DMRT1: variants seen among roughly 807,000 people sequenced by gnomAD.
DMRT1 encodes doublesex and mab-3 related transcription factor 1, also known as doublesex- and mab-3-related transcription factor 1.
In DMRT1, 7 loss-of-function variants were observed where a neutral mutation model predicts 32.3. That is an observed-to-expected ratio of 0.22 (90% confidence interval 0.12 to 0.41). The LOEUF (loss-of-function observed/expected upper bound fraction) is 0.41. Ranked by LOEUF, DMRT1 falls within the 10% of genes least tolerant of loss-of-function variation. DMRT1 has a pLI of 1.00. For synonymous variants in DMRT1, 278 were observed against 206.1 expected (o/e 1.35, Z -2.99); for missense variants, 625 against 500.5 (o/e 1.25, Z -2.37).
intron 2 of DMRT1, among the ~76,000 whole-genome samples, chr9:872,656 C>G (rs1472579514): frequency 6.6e-6 from 1 of 152,182 alleles, no homozygotes; most frequent in Admixed American, 6.5e-5. Flanking sequence ...TTCAGGACAT[C>G]AGGACTTCTT....
intron 4 of DMRT1, among the ~76,000 whole-genome samples, chr9:918,628 A>G (rs1818258721): frequency 2.6e-5 from 4 of 152,206 alleles, no homozygotes. Flanking sequence ...TATTTGAAAG[A>G]GTAGTGTGTG....
chr9:948,286 G>A (rs1819313092), intron 4 of DMRT1, among the ~76,000 whole-genome samples: 2 of 151,940 alleles, frequency 1.3e-5, no homozygotes, highest in African/African-American at 2.4e-5. Flanking sequence ...TTTTCTCATC[G>A]TTATCTTAAA....
rs564742769 is a variant in DMRT1, at chr9:873,976, G to A, written c.539-19936G>A. ...ACTTGGAAGTGGAAAGTACCTAAAA[G>A]CTCTCAAGGAAATAAATTATTCCTA... is the stretch of plus-strand genomic sequence containing the variant. On this transcript the variant is annotated intron_variant, in intron 2 of 4. Coordinates refer to ENST00000382276, the MANE Select transcript of DMRT1 (RefSeq NM_021951.3). 2.6e-5 allele frequency among the ~76,000 whole-genome samples: 4 copies of A among 152,308 alleles called. No individual in the cohort carries two copies. In the South Asian group the frequency reaches 8.3e-4, roughly 32 times the overall value.
rs557152151 is a variant in DMRT1, at chr9:869,100, T to C, written c.538+21957T>C. 9.1e-4 allele frequency among the ~76,000 whole-genome samples: 138 copies of C among 151,554 alleles called. 1 individual carries two copies. The South Asian group carries it at 0.012, about 14-fold the overall frequency. ...AGCTTCTCTTGGTAAAACTCTGATA[T>C]AGTTTAGGGATGGTTGAGGCTTCTG... On this transcript the variant is annotated intron_variant, in intron 2 of 4. Transcript: ENST00000382276.
At chr9:879,766 A>G (rs1469135611) in intron 2 of DMRT1, among the ~76,000 whole-genome samples, 1 of 152,198 alleles carries the variant, frequency 6.6e-6, no homozygotes, top group Non-Finnish European at 1.5e-5. Flanking sequence ...TCAAGGTGGT[A>G]TGGCCATAGA....
At chr9:908,837 C>T (rs994822635) in intron 3 of DMRT1, among the ~76,000 whole-genome samples, 12 of 152,146 alleles carry the variant, frequency 7.9e-5, no homozygotes, top group African/African-American at 2.7e-4. Context: ...GTTTTCCCCT[C>T]CCACCTCTCC....
chr9:952,258 G>A (rs1161369615), intron 4 of DMRT1, among the ~76,000 whole-genome samples: 1 of 152,176 alleles, frequency 6.6e-6, no homozygotes, highest in Non-Finnish European at 1.5e-5. Context: ...CCAAATTAGC[G>A]CCACAGTGCC....
chr9:849,813 G>A (rs891399165), intron 2 of DMRT1, among the ~76,000 whole-genome samples: 1 of 68,112 alleles, frequency 1.5e-5, no homozygotes, highest in Non-Finnish European at 3.7e-5. Flanking sequence ...GAGGACGATG[G>A]GCTCTCTCTC....
intron 2 of DMRT1, among the ~76,000 whole-genome samples, chr9:851,246 A>G (rs1839139139): frequency 6.6e-6 from 1 of 151,750 alleles, no homozygotes; most frequent in South Asian, 2.1e-4. Context: ...TTATTTATTT[A>G]TTTATTTTTT....
chr9:889,897 G>T (rs1197794957), intron 2 of DMRT1, among the ~76,000 whole-genome samples: 1 of 152,118 alleles, frequency 6.6e-6, no homozygotes, highest in Non-Finnish European at 1.5e-5. Flanking sequence ...GATTGTATAG[G>T]AATGAACCAT....
intron 4 of DMRT1, among the ~76,000 whole-genome samples, chr9:943,892 G>A (rs763618336): frequency 4.6e-5 from 7 of 152,224 alleles, no homozygotes; most frequent in African/African-American, 9.6e-5. Context: ...TTCAGAGTAT[G>A]TGGTTGGCTT....
intron 3 of DMRT1, among the ~76,000 whole-genome samples, chr9:911,933 C>T (rs1369864645): frequency 6.6e-6 from 1 of 152,138 alleles, no homozygotes; most frequent in African/African-American, 2.4e-5. Context: ...GCTGAAGTGA[C>T]TGATGACCTC....
chr9:949,066 C>G (rs2129945818), intron 4 of DMRT1, among the ~76,000 whole-genome samples: 1 of 151,978 alleles, frequency 6.6e-6, no homozygotes, highest in East Asian at 1.9e-4. Context: ...GTACTCCAGC[C>G]TGAGCAACAG....
Position 842,068 on chromosome 9 carries a change from C to T in DMRT1, c.230C>T (p.Ala77Val). Reference sequence around the variant, plus strand: ...AAGTCCCCGCGGCTGCCCAAGTGCGCACGCTGCAGGAACCACGGCTACGCC... The same window carrying T: ...AAGTCCCCGCGGCTGCCCAAGTGCGTACGCTGCAGGAACCACGGCTACGCC... ...SKKSPRLPKC[A>V]RCRNHGYASP... Residue 77 changes from alanine (A) to valine (V), a missense_variant, in exon 1 of 5, where the codon GCA becomes GTA. By Grantham distance (64) the Ala-to-Val change is moderately conservative (BLOSUM62 0). Around this residue, in one of 3 missense-constraint regions of DMRT1, gnomAD observed 201 missense variants for 152.0 expected, o/e 1.32. Coordinates refer to ENST00000382276, the MANE Select transcript of DMRT1 (RefSeq NM_021951.3). 6.5e-7 allele frequency: 1 copy of T among 1,545,574 alleles called. No individual in the cohort carries two copies. Among genetic ancestry groups the T allele is most frequent in the Non-Finnish European group, 8.7e-7 (1 of 1,149,046 alleles).
chr9:950,201 T>G (rs970638278), intron 4 of DMRT1, among the ~76,000 whole-genome samples: 3 of 152,090 alleles, frequency 2.0e-5, no homozygotes, highest in Non-Finnish European at 2.9e-5. Context: ...AAGGCAAACC[T>G]GCAACTCAGT....
intron 3 of DMRT1, among the ~76,000 whole-genome samples, chr9:911,181 G>A (rs1586605956): frequency 1.3e-5 from 2 of 152,104 alleles, no homozygotes; most frequent in Non-Finnish European, 2.9e-5. Flanking sequence ...TGTAGTGACA[G>A]TCAGCAGCAT....
intron 3 of DMRT1, among the ~76,000 whole-genome samples, chr9:895,705 A>C (rs1232935983): frequency 6.6e-6 from 1 of 150,570 alleles, no homozygotes; most frequent in Admixed American, 6.6e-5. Flanking sequence ...CTTAAGATCT[A>C]CTCTATTAGC....
intron 1 of DMRT1, among the ~76,000 whole-genome samples, chr9:844,365 C>T (rs970785169): frequency 6.8e-6 from 1 of 146,182 alleles, no homozygotes; most frequent in Non-Finnish European, 1.5e-5. Context: ...TTGTTATCCC[C>T]TTTCCTTTTT....
chr9:958,514 A>C (rs763285514), intron 4 of DMRT1, among the ~76,000 whole-genome samples: 20 of 151,974 alleles, frequency 1.3e-4, no homozygotes, highest in Non-Finnish European at 8.8e-5. Context: ...TTACAGGCGC[A>C]CACCACCACA....
Sources: gnomAD v4.1 joint callset for allele counts (sites outside exome capture counted in the v4.1 genomes callset) on GRCh38, gnomAD v4.1.1 for gene constraint, gnomAD v4.1.1 regional missense constraint, MANE v1.5 for transcripts, NCBI Gene and HGNC (gene_info 2026-07-23, HGNC 2026-07-21) for gene names.